SORCS2: variants seen among roughly 807,000 people sequenced by gnomAD.
SORCS2 encodes VPS10 domain-containing receptor SorCS2.
A neutral mutation model predicts 141.6 loss-of-function variants in SORCS2; 100 were observed. The observed-to-expected ratio is 0.71, with a 90% CI of 0.60 to 0.83. SORCS2 has a LOEUF of 0.83. Among genes scored for constraint, SORCS2 ranks in the 40% least tolerant of loss-of-function variants. SORCS2 has a pLI of 0.00. For synonymous variants in SORCS2, 789 were observed against 676.9 expected (o/e 1.17, Z -2.57); for missense variants, 1,646 against 1,560.2 (o/e 1.05, Z -0.93).
chr4:7,664,336 G>T lies in SORCS2; in HGVS notation c.953-17G>T. 1 of 1,606,460 alleles carries T rather than the reference G, an allele frequency of 6.2e-7. No individual in the cohort carries two copies. The highest frequency in any genetic ancestry group is 8.5e-7 in the Non-Finnish European group (1 of 1,174,864). ...GGCTGGAGTCTGACCGCCTGGGTCG[G>T]CGCCTCTCTCCTGTAGATTTTCGGT... On this transcript the variant is annotated splice_polypyrimidine_tract_variant and intron_variant, in intron 6 of 26. Coordinates refer to ENST00000507866, the MANE Select transcript of SORCS2 (RefSeq NM_020777.3). This position sits in a 1 kb window ranked among gnomAD's most constrained non-coding sequence, Gnocchi z 4.7.
chr4:7,535,647 C>A (rs568104237), intron 3 of SORCS2, among the ~76,000 whole-genome samples: 1 of 152,372 alleles, frequency 6.6e-6, no homozygotes, highest in Admixed American at 6.5e-5. Context: ...CCACCGTTAT[C>A]CTTAGAGGGA....
intron 18 of SORCS2, among the ~76,000 whole-genome samples, chr4:7,722,836 G>C (rs865889564): frequency 6.6e-6 from 1 of 152,162 alleles, no homozygotes; most frequent in Non-Finnish European, 1.5e-5. Context: ...AACTTACAAC[G>C]TTTGGCTGGT....
At chr4:7,396,392 C>T (rs1222311593) in intron 2 of SORCS2, 37 bp downstream of exon 2, 31 of 1,605,042 alleles carry the variant, frequency 1.9e-5, no homozygotes, top group Non-Finnish European at 2.5e-5. Flanking sequence ...CTCTTATGCA[C>T]CTGCGTGCCA....
chr4:7,563,980 T>C (rs1714779864), intron 3 of SORCS2, among the ~76,000 whole-genome samples: 1 of 152,268 alleles, frequency 6.6e-6, no homozygotes, highest in Admixed American at 6.5e-5. Context: ...GGTTAATTTA[T>C]GTGAGAACAC....
At chr4:7,482,111 C>T (rs567382561) in intron 2 of SORCS2, among the ~76,000 whole-genome samples, 5 of 45,946 alleles carry the variant, frequency 1.1e-4, no homozygotes, top group African/African-American at 2.9e-4. Flanking sequence ...ATCCCCACTG[C>T]GGACACCCCT....
intron 1 of SORCS2, among the ~76,000 whole-genome samples, chr4:7,283,393 A>C (rs1716012424): frequency 6.6e-6 from 1 of 152,160 alleles, no homozygotes; most frequent in Non-Finnish European, 1.5e-5. Context: ...TGGAAGCAAG[A>C]CCGGGGCAAA....
At chr4:7,438,963 G>C (rs917704108) in intron 2 of SORCS2, among the ~76,000 whole-genome samples, 1 of 152,080 alleles carries the variant, frequency 6.6e-6, no homozygotes, top group Non-Finnish European at 1.5e-5. Flanking sequence ...TGGCACTTCT[G>C]TACTTTCCAG....
rs140131718 is a variant in SORCS2, at chr4:7,473,338, G to C, written c.549-58192G>C. Among the ~76,000 whole-genome samples the C allele has an allele frequency of 2.8e-3, 429 of 152,308 alleles. 3 individuals carry two copies. The highest frequency in any genetic ancestry group is 9.5e-3 in the African/African-American group (396 of 41,574). ...GTGTTCCCAGGGAGCCCTCAGCCCA[G>C]GGGCAATTGGGTGCCTACAGGGACC... is the stretch of plus-strand genomic sequence containing the variant. On this transcript the variant is annotated intron_variant, in intron 2 of 26. Coordinates refer to ENST00000507866, the MANE Select transcript of SORCS2 (RefSeq NM_020777.3).
intron 1 of SORCS2, among the ~76,000 whole-genome samples, chr4:7,234,674 A>G (rs1712138165): frequency 1.3e-5 from 2 of 152,214 alleles, no homozygotes. Context: ...CTCCTTGGCC[A>G]GCTCCCAGCA....
intron 1 of SORCS2, among the ~76,000 whole-genome samples, chr4:7,288,433 C>T (rs1013290934): frequency 1.3e-5 from 2 of 151,654 alleles, no homozygotes; most frequent in African/African-American, 4.8e-5. Context: ...GCTTCAATAA[C>T]AGTATTTCTC....
chr4:7,321,735 C>G (rs1487877275), intron 1 of SORCS2, among the ~76,000 whole-genome samples: 1 of 152,112 alleles, frequency 6.6e-6, no homozygotes, highest in Non-Finnish European at 1.5e-5. Flanking sequence ...TGGTTGAGCC[C>G]CCTGGGGGAA....
At chr4:7,607,620 C>G (rs1471953931) in intron 3 of SORCS2, among the ~76,000 whole-genome samples, 4 of 152,184 alleles carry the variant, frequency 2.6e-5, no homozygotes, top group Non-Finnish European at 4.4e-5. Flanking sequence ...AAGGAAGCAG[C>G]CTTTTCCCCA....
Position 7,718,186 on chromosome 4 carries a change from G to A in SORCS2, c.2424+3G>A. 1.2e-6 allele frequency: 2 copies of A among 1,608,668 alleles called. No homozygotes were observed. The highest frequency in any genetic ancestry group is 2.2e-5 in the East Asian group (1 of 44,712). On this transcript the variant is annotated splice_donor_region_variant and intron_variant, in intron 18 of 26. Coordinates refer to ENST00000507866, the MANE Select transcript of SORCS2 (RefSeq NM_020777.3). Reference sequence around the variant, plus strand: ...TGTTTGTGGTGCGGCAGGAGCAGGTGAGTGAGCACCTCCCAGCAGGCTCCT... The same window carrying A: ...TGTTTGTGGTGCGGCAGGAGCAGGTAAGTGAGCACCTCCCAGCAGGCTCCT...
At chr4:7,235,786 C>T (rs1260598364) in intron 1 of SORCS2, among the ~76,000 whole-genome samples, 2 of 152,144 alleles carry the variant, frequency 1.3e-5, no homozygotes, top group Admixed American at 6.5e-5. Context: ...GAAGAGCAGG[C>T]GAGTGCTGGT....
chr4:7,267,310 C>T (rs76951468), intron 1 of SORCS2, among the ~76,000 whole-genome samples: 25 of 152,310 alleles, frequency 1.6e-4, no homozygotes, highest in Admixed American at 3.9e-4. Flanking sequence ...GCACAAAACA[C>T]CTGCTTACTT....
intron 9 of SORCS2, among the ~76,000 whole-genome samples, chr4:7,677,642 G>A (rs928175403): frequency 1.5e-4 from 23 of 151,262 alleles, no homozygotes; most frequent in African/African-American, 5.6e-4. Context: ...GCATTGACAA[G>A]CTTGTGAGTG....
rs114731653 is a variant in SORCS2 at position 7,311,422 on chromosome 4, G to A, written c.481-84866G>A. 5.6e-3 allele frequency among the ~76,000 whole-genome samples: 856 copies of A among 152,210 alleles called. 4 individuals are homozygous for A. Among genetic ancestry groups the A allele is most frequent in the African/African-American group, 0.02 (829 of 41,512 alleles). On this transcript the variant is annotated intron_variant, in intron 1 of 26. Coordinates refer to ENST00000507866, the MANE Select transcript of SORCS2 (RefSeq NM_020777.3). ...GGAGACACCTGTCTTCATTTCTCTC[G>A]GGTAAATATCTGGGAGTGGAATGGC... is the stretch of plus-strand genomic sequence containing the variant.
At position 7,676,170 on chromosome 4, in the gene SORCS2, C is replaced by T. The variant is rs762141222; in HGVS notation, c.1282C>T (p.Leu428=). The stretch of plus-strand genomic sequence containing the variant: ...ACGGGGCGTGCGCTACGCGCTGGTG[C>T]TGCAGGACGTGCGCAGCTCACGGCA... ...DPRGVRYALV[L]QDVRSSRQAE... is the part of the protein sequence containing the mutation. Residue 428 remains leucine, a synonymous_variant, in exon 9 of 27, where the codon CTG becomes TTG. Coordinates refer to ENST00000507866, the MANE Select transcript of SORCS2 (RefSeq NM_020777.3). 1 of 1,557,632 alleles carries T rather than the reference C, an allele frequency of 6.4e-7. No individual in the cohort carries two copies. Among genetic ancestry groups the T allele is most frequent in the Non-Finnish European group, 8.7e-7 (1 of 1,150,476 alleles).
chr4:7,439,546 TC>T (rs1727523366), intron 2 of SORCS2, among the ~76,000 whole-genome samples: 1 of 152,216 alleles, frequency 6.6e-6, no homozygotes, highest in Admixed American at 6.5e-5. Context: ...GGCAGAATGG[TC>T]CTGAGTGCTC....
Sources: gnomAD v4.1 joint callset for allele counts (sites outside exome capture counted in the v4.1 genomes callset) on GRCh38, gnomAD v4.1.1 for gene constraint, Gnocchi (gnomAD v3.1) non-coding constraint, MANE v1.5 for transcripts, NCBI Gene and HGNC (gene_info 2026-07-23, HGNC 2026-07-21) for gene names.